Variants in MGAM observed in about 807,000 individuals in gnomAD.
The protein encoded by MGAM is maltase-glucoamylase.
In MGAM, 253 loss-of-function variants were observed where a neutral mutation model predicts 358.8. The observed-to-expected ratio is 0.71, with a 90% CI of 0.64 to 0.78. The LOEUF (loss-of-function observed/expected upper bound fraction) is 0.78, where lower values mean the gene tolerates loss of function less well. Ranked by LOEUF, MGAM falls within the 30% of genes least tolerant of loss-of-function variation. The probability of loss-of-function intolerance (pLI) is 0.00; values close to 1 mark genes in which losing one functional copy is unlikely to be tolerated. For missense variants in MGAM, 3,080 were observed against 3,432.6 expected (o/e 0.90, Z 2.57); for synonymous variants, 1,105 against 1,227.1 (o/e 0.90, Z 2.08).
intron 1 of MGAM, among the ~76,000 whole-genome samples, chr7:141,998,290 C>T (rs1225234731): frequency 2.6e-5 from 4 of 152,014 alleles, no homozygotes; most frequent in African/African-American, 9.7e-5. Flanking sequence ...GCAGAATGTG[C>T]AGGTTCGTTA....
rs185141423 is a variant in MGAM, at chr7:142,056,326, A to G, written c.3580+230A>G. Reference sequence around the variant, plus strand: ...TAAAAATCACATAAGAAGGGATAGTAACACCACATGGGTCCCAAATATCCT... The same window carrying G: ...TAAAAATCACATAAGAAGGGATAGTGACACCACATGGGTCCCAAATATCCT... On this transcript the variant is annotated intron_variant, in intron 29 of 70. Transcript: ENST00000475668. Among the ~76,000 whole-genome samples the G allele has an allele frequency of 1.6e-3, 243 of 152,342 alleles. 1 individual carries two copies. The highest frequency in any genetic ancestry group is 5.6e-3 in the African/African-American group (232 of 41,582).
chr7:141,990,222 A>G (rs1295376473), intron 2 of MGAM, among the ~76,000 whole-genome samples: 1 of 152,236 alleles, frequency 6.6e-6, no homozygotes, highest in African/African-American at 2.4e-5. Context: ...CGACAATTAC[A>G]ACACACATAG....
Position 142,040,260 on chromosome 7 carries a change from C to G in MGAM, c.2373+89C>G, listed in dbSNP as rs1204820257. On this transcript the variant is annotated intron_variant, in intron 20 of 70. Transcript: ENST00000475668. ...CCTTTCTGGAGAGAGAAACATCCAT[C>G]TACATGCTGAGGAGTAGTTTTTAGT... 1.2e-4 allele frequency: 131 copies of G among 1,062,910 alleles called. 3 individuals are homozygous for G. In the South Asian group the frequency reaches 1.8e-3, roughly 14 times the overall value. 65.8% of individuals were successfully genotyped at this position (1,062,910 alleles called of 1,614,324 possible). A position where few individuals can be genotyped will look rare whatever the true frequency, so the allele number is the denominator to read the frequency against.
At chr7:142,036,376 A>G in intron 17 of MGAM, 91 bp downstream of exon 17, 1 of 923,568 alleles carries the variant, frequency 1.1e-6, no homozygotes, top group South Asian at 1.5e-5. Context: ...TGCTGAACCA[A>G]CCTCTTACCT....
At position 142,064,459 on chromosome 7, in the gene MGAM, C is replaced by G; in HGVS notation, c.4421C>G (p.Ser1474Cys). ...AGTCAGCAGATCCTCCCAGACGGCT[C>G]CCTGGTGCAGCACTACAACGTGCAC... ...MESQQILPDG[S>C]LVQHYNVHNL... Residue 1474 changes from serine (S) to cysteine (C), a missense_variant, in exon 37 of 71, where the codon TCC (serine) becomes TGC (cysteine). Transcript: ENST00000475668. 5 of 1,596,614 alleles carry G rather than the reference C, an allele frequency of 3.1e-6. No homozygotes were observed. The highest frequency in any genetic ancestry group is 4.3e-6 in the Non-Finnish European group (5 of 1,171,660).
At position 142,074,101 on chromosome 7, in the gene MGAM, G is replaced by T. The variant is rs1813552238; in HGVS notation, c.5203G>T (p.Gly1735Cys). ...NTHLSRKNPL[G>C]LIIALDENKE... The stretch of plus-strand genomic sequence containing the variant: ...TCCCCACAGTCGAAAGAACCCTCTT[G>T]GTCTTATTATTGCCCTAGATGAAAA... The change falls in exon 45 of 71, where the codon GGT (glycine) becomes TGT (cysteine). Residue 1735 changes from glycine to cysteine, a missense_variant. Around this residue, in one of 5 missense-constraint regions of MGAM, gnomAD observed 932 missense variants for 1,198.2 expected, o/e 0.78. Coordinates refer to ENST00000475668, the MANE Select transcript of MGAM (RefSeq NM_001365693.1). 1 of 1,542,352 alleles carries T rather than the reference G, an allele frequency of 6.5e-7. No individual in the cohort carries two copies. The highest frequency in any genetic ancestry group is 8.9e-7 in the Non-Finnish European group (1 of 1,123,852).
chr7:142,044,359 G>C lies in MGAM; in HGVS notation c.2499-3426G>C, dbSNP rs1454778177. ...TAATATATATATAATATACACATAC[G>C]ATATATGATATATAATGAATATTAT... On this transcript the variant is annotated intron_variant, in intron 21 of 70. Transcript: ENST00000475668. Among the ~76,000 whole-genome samples the C allele has an allele frequency of 5.5e-5, 7 of 127,304 alleles. 1 individual carries two copies. In the South Asian group the frequency reaches 1.7e-3, roughly 30 times the overall value. 83.5% of individuals were successfully genotyped at this position (127,304 alleles called of 152,430 possible).
At chr7:142,033,123 A>T (rs1217154247) in intron 14 of MGAM, among the ~76,000 whole-genome samples, 3 of 152,216 alleles carry the variant, frequency 2.0e-5, no homozygotes, top group African/African-American at 7.2e-5. Context: ...GCAATCTAGT[A>T]CTTCTACTTA....
At position 142,083,577 on chromosome 7, in the gene MGAM, A is replaced by G. The variant is rs1048549474; in HGVS notation, c.6381+164A>G. ...ATAAATACATTCTAATCACCATTAA[A>G]TTTATAGCCTCTGTAAGCATTGCAG... On this transcript the variant is annotated intron_variant, in intron 53 of 70. Coordinates refer to ENST00000475668, the MANE Select transcript of MGAM (RefSeq NM_001365693.1). Among the ~76,000 whole-genome samples the G allele has an allele frequency of 3.4e-5, 5 of 146,660 alleles. 1 individual carries two copies. The highest frequency in any genetic ancestry group is 6.2e-5 in the Non-Finnish European group (4 of 64,792).
intron 14 of MGAM, 27 bp downstream of exon 14, chr7:142,032,936 A>T: frequency 6.8e-7 from 1 of 1,459,878 alleles, no homozygotes; most frequent in Admixed American, 1.7e-5. Flanking sequence ...AGCAGATTAA[A>T]GTAGCCATAT....
rs191572334 is a variant in MGAM, at chr7:142,042,437, C to T, written c.2498+1591C>T. On this transcript the variant is annotated intron_variant, in intron 21 of 70. Coordinates refer to ENST00000475668, the MANE Select transcript of MGAM (RefSeq NM_001365693.1). ...TATTATATATACATATAATATATAACATATAATATATAATATAACATATAA... is the reference window on the plus strand; with the variant it reads ...TATTATATATACATATAATATATAATATATAATATATAATATAACATATAA... Among the ~76,000 whole-genome samples the T allele has an allele frequency of 1.6e-3, 10 of 6,450 alleles. 1 individual carries two copies. Among genetic ancestry groups the T allele is most frequent in the African/African-American group, 2.5e-3 (5 of 2,000 alleles). The allele number at this position is 6,450 out of a possible 152,430, so 4.2% of individuals were successfully genotyped here.
At chr7:142,058,106 C>T (rs1811735836) in intron 30 of MGAM, 97 bp from the exon 31 acceptor site, 2 of 1,566,454 alleles carry the variant, frequency 1.3e-6, no homozygotes, top group Non-Finnish European at 8.7e-7. Flanking sequence ...AGTTAGTTGT[C>T]TAGCTTGGGG....
At position 142,087,152 on chromosome 7, in the gene MGAM, T is replaced by G. The variant is rs73524541; in HGVS notation, c.6810+435T>G. ...CCTCAAAGACTGTTTAGGTCTTTTT[T>G]TGGTGTATCTTTTTTTTTTCCATGA... is the stretch of plus-strand genomic sequence containing the variant. On this transcript the variant is annotated intron_variant, in intron 57 of 70. Coordinates refer to ENST00000475668, the MANE Select transcript of MGAM (RefSeq NM_001365693.1). 5.6e-3 allele frequency among the ~76,000 whole-genome samples: 808 copies of G among 145,036 alleles called. 30 individuals are homozygous for G. Among genetic ancestry groups the G allele is most frequent in the African/African-American group, 0.018 (753 of 41,072 alleles).
At chr7:142,099,155 AAC>A (rs1816217708) in intron 66 of MGAM, among the ~76,000 whole-genome samples, 1 of 152,214 alleles carries the variant, frequency 6.6e-6, no homozygotes, top group African/African-American at 2.4e-5. Flanking sequence ...TGGTTGTCAC[AAC>A]AGAGTGGGGG....
At position 142,094,863 on chromosome 7, in the gene MGAM, G is replaced by A; in HGVS notation, c.7458G>A (p.Arg2486=). The A allele has an allele frequency of 6.2e-7, 1 of 1,613,746 alleles. No homozygotes were observed. The highest frequency in any genetic ancestry group is 8.5e-7 in the Non-Finnish European group (1 of 1,179,740). Residue 2486 remains arginine (R), a splice_region_variant and synonymous_variant, in exon 63 of 71, where the codon AGG becomes AGA. Transcript: ENST00000475668. ...FSRNHNTIGT[R]RQDPVSWDVA... is the part of the protein sequence containing the mutation. ...GAAACCACAACACCATTGGGACCAG[G>A]GTAGGACAGTGGCCCCTACCTCCAG...
chr7:142,103,171 T>A, intron 69 of MGAM, 98 bp from the exon 70 acceptor site: 12 of 990,928 alleles, frequency 1.2e-5, no homozygotes, highest in Admixed American at 2.9e-5. Context: ...GACTCTGAAG[T>A]TGTCTTACTT....
At chr7:141,994,865 T>C (rs1418779215), upstream of MGAM, among the ~76,000 whole-genome samples, 1 of 152,204 alleles carries the variant, frequency 6.6e-6, no homozygotes, top group African/African-American at 2.4e-5. Flanking sequence ...TTCCCACCCT[T>C]GCGGAACTGA....
chr7:142,100,902 T>C lies in MGAM; in HGVS notation c.7963+12T>C, dbSNP rs1175183208. 6.2e-7 allele frequency: 1 copy of C among 1,609,862 alleles called. No homozygotes were observed. The highest frequency in any genetic ancestry group is 1.7e-5 in the Admixed American group (1 of 59,706). ...TGGGCAAAGCATTGGTGAGTAGAGG[T>C]TGCCTGAGATTCATGCTGATGGCAC... On this transcript the variant is annotated intron_variant, in intron 68 of 70. Transcript: ENST00000475668.
rs2961078 is a variant in MGAM, at chr7:142,058,274, T to G, written c.3765T>G (p.Asn1255Lys). 6.2e-7 allele frequency: 1 copy of G among 1,613,954 alleles called. No homozygotes were observed. The highest frequency in any genetic ancestry group is 8.5e-7 in the Non-Finnish European group (1 of 1,179,858). ...GFQLCRYGYQ[N>K]DSEIASLYDE... ...AGCTGTGTCGCTATGGCTACCAGAA[T>G]GACTCTGAGATCGCCAGCTTGTATG... The change falls in exon 31 of 71, where the codon AAT becomes AAG. Residue 1255 changes from asparagine to lysine, a missense_variant. By Grantham distance (94) the Asn-to-Lys change is moderately conservative. Transcript: ENST00000475668.
Sources: allele counts gnomAD v4.1 joint callset (sites outside exome capture counted in the v4.1 genomes callset), GRCh38; gene constraint gnomAD v4.1.1; regional missense constraint gnomAD v4.1.1; transcripts MANE v1.5; gene names NCBI Gene and HGNC (gene_info 2026-07-23, HGNC 2026-07-21).